Variants in PDE1A observed in about 807,000 individuals in gnomAD.
PDE1A encodes the protein phosphodiesterase 1A, also known as dual specificity calcium/calmodulin-dependent 3',5'-cyclic nucleotide phosphodiesterase 1A.
Under a neutral mutation model 61.7 loss-of-function variants are expected in PDE1A, and 35 were observed. That is an observed-to-expected ratio of 0.57 (90% CI 0.43 to 0.75). PDE1A has a LOEUF of 0.75. Ranked by LOEUF, PDE1A falls within the 30% of genes least tolerant of loss-of-function variation. The pLI is 0.00. For synonymous variants in PDE1A, 232 were observed against 213.2 expected, an observed-to-expected ratio of 1.09 and a Z score of -0.77; for missense variants, 597 against 630.6, an observed-to-expected ratio of 0.95 and a Z score of 0.57.
chr2:182,157,117 C>T (rs1221966638), intron 13 of PDE1A, among the ~76,000 whole-genome samples: 2 of 150,926 alleles, frequency 1.3e-5, no homozygotes, highest in African/African-American at 2.4e-5. Context: ...TGGGTTCAAT[C>T]GATTCTCCTG....
At chr2:182,388,883 AAT>A (rs1390399654) in intron 1 of PDE1A, among the ~76,000 whole-genome samples, 1 of 152,054 alleles carries the variant, frequency 6.6e-6, no homozygotes, top group East Asian at 1.9e-4. Context: ...AATGATGATT[AAT>A]ATCAACAAAC....
At chr2:182,457,204 T>C (rs1386873957) in intron 2 of PDE1A, among the ~76,000 whole-genome samples, 1 of 152,046 alleles carries the variant, frequency 6.6e-6, no homozygotes, top group African/African-American at 2.4e-5. Flanking sequence ...ATAAGGAATT[T>C]TCTGCCCTGC....
chr2:182,658,650 T>C, the PDE1A span, among the ~76,000 whole-genome samples: 3 of 152,194 alleles, frequency 2.0e-5, no homozygotes, highest in Non-Finnish European at 2.9e-5. Flanking sequence ...TGGTACTCTA[T>C]TAATAAGCGT....
chr2:182,172,660 TCTAA>T lies in PDE1A; in HGVS notation c.1517-4374_1517-4371del, dbSNP rs1224584665. Among the ~76,000 whole-genome samples the T allele has an allele frequency of 3.9e-5, 6 of 152,118 alleles. No homozygotes were observed. In the East Asian group the frequency reaches 1.2e-3, roughly 29 times the overall value. ...ACGCAAGGTAGAATATGATAAGCAGTCTAACTACACTACAGTATGAAAGAGACAG... is the reference window on the plus strand; with the variant it reads ...ACGCAAGGTAGAATATGATAAGCAGTCTACACTACAGTATGAAAGAGACAG... On this transcript the variant is annotated intron_variant, in intron 13 of 13. Coordinates refer to ENST00000351439, the Ensembl canonical transcript of PDE1A.
At chr2:182,352,658 T>C (rs1698952899) in intron 1 of PDE1A, among the ~76,000 whole-genome samples, 2 of 151,994 alleles carry the variant, frequency 1.3e-5, no homozygotes, top group Non-Finnish European at 2.9e-5. Flanking sequence ...CTGTTGTTTT[T>C]TTTTTTTCAG....
At chr2:182,277,961 C>A (rs537901861) in intron 1 of PDE1A, among the ~76,000 whole-genome samples, 3 of 152,140 alleles carry the variant, frequency 2.0e-5, no homozygotes, top group South Asian at 4.2e-4. Flanking sequence ...CTGTCAAGTA[C>A]CATCCTCCAC....
rs189942459 is a variant in PDE1A at position 182,513,627 on chromosome 2, C to T, written c.101+8649G>A. Among the ~76,000 whole-genome samples the T allele has an allele frequency of 1.4e-4, 21 of 152,280 alleles. No individual in the cohort carries two copies. In the East Asian group the frequency reaches 3.9e-3, roughly 28 times the overall value. On this transcript the variant is annotated intron_variant, in intron 2 of 14. Coordinates refer to the PDE1A transcript ENST00000410103. ...ACCTTGGACGTAAACAGGCTAAACG[C>T]CCCACTTAAAAAGCACGAAGTGGCA... is the stretch of plus-strand genomic sequence containing the variant.
At chr2:182,515,837 T>C (rs1690095980) in intron 2 of PDE1A, among the ~76,000 whole-genome samples, 1 of 152,218 alleles carries the variant, frequency 6.6e-6, no homozygotes, top group East Asian at 1.9e-4. Flanking sequence ...GGCATGCAAG[T>C]CAGGGTTAGA....
chr2:182,429,797 T>A (rs1198572636), upstream of PDE1A, among the ~76,000 whole-genome samples: 1 of 152,134 alleles, frequency 6.6e-6, no homozygotes, highest in Admixed American at 6.6e-5. Context: ...TTCTTCATTG[T>A]TATAGTCTGG....
At chr2:182,648,116 T>C in the PDE1A span, among the ~76,000 whole-genome samples, 1 of 152,084 alleles carries the variant, frequency 6.6e-6, no homozygotes, top group African/African-American at 2.4e-5. Flanking sequence ...CCATAGTATA[T>C]TGGAGAAGAA....
chr2:182,472,690 G>C (rs1231568362), intron 2 of PDE1A, among the ~76,000 whole-genome samples: 1 of 151,788 alleles, frequency 6.6e-6, no homozygotes, highest in African/African-American at 2.4e-5. Flanking sequence ...AATTGCACTT[G>C]TACCCATGAA....
At chr2:182,691,426 G>C in the PDE1A span, among the ~76,000 whole-genome samples, 268 of 152,312 alleles carry the variant, frequency 1.8e-3, 2 homozygotes, top group African/African-American at 6.1e-3. Context: ...ACAAGAAATA[G>C]GGAAAGTATT....
chr2:182,352,423 T>C (rs888577086), intron 1 of PDE1A, among the ~76,000 whole-genome samples: 2 of 152,180 alleles, frequency 1.3e-5, no homozygotes. Context: ...CCAGCATCCA[T>C]GATGCCTTAA....
At chr2:182,633,709 T>C in the PDE1A span, among the ~76,000 whole-genome samples, 5 of 152,174 alleles carry the variant, frequency 3.3e-5, no homozygotes, top group Admixed American at 3.3e-4. Context: ...TCATTTGGCC[T>C]GCATCCTAAG....
At chr2:182,682,718 T>C in the PDE1A span, among the ~76,000 whole-genome samples, 1 of 152,210 alleles carries the variant, frequency 6.6e-6, no homozygotes, top group Admixed American at 6.5e-5. Flanking sequence ...CAATATTTAG[T>C]TTTTCTTTTT....
the PDE1A span, among the ~76,000 whole-genome samples, chr2:182,635,916 G>A: frequency 7.6e-5 from 11 of 144,602 alleles, no homozygotes; most frequent in Non-Finnish European, 1.2e-4. Context: ...CTTTACTTCC[G>A]TCAATAAAGC....
chr2:182,615,917 A>C, the PDE1A span, among the ~76,000 whole-genome samples: 1 of 152,188 alleles, frequency 6.6e-6, no homozygotes, highest in Non-Finnish European at 1.5e-5. Flanking sequence ...AGCCCTCAAG[A>C]CCCAATCACC....
chr2:182,612,266 C>T, the PDE1A span, among the ~76,000 whole-genome samples: 11 of 152,254 alleles, frequency 7.2e-5, no homozygotes, highest in South Asian at 2.1e-3. Context: ...ATATCAATTT[C>T]ACAGGTATTC....
At chr2:182,504,787 G>C (rs1162690829) in intron 2 of PDE1A, among the ~76,000 whole-genome samples, 1 of 152,204 alleles carries the variant, frequency 6.6e-6, no homozygotes, top group East Asian at 1.9e-4. Flanking sequence ...CAAAAATTAA[G>C]TGACAGCTTC....
Sources: allele counts gnomAD v4.1 joint callset (sites outside exome capture counted in the v4.1 genomes callset), GRCh38; gene constraint gnomAD v4.1.1; transcripts MANE v1.5; gene names NCBI Gene and HGNC (gene_info 2026-07-23, HGNC 2026-07-21).